Variants in HS6ST2 observed in about 807,000 individuals in gnomAD.
The protein encoded by HS6ST2 is heparan-sulfate 6-O-sulfotransferase 2.
In HS6ST2, 17 loss-of-function variants were observed where a neutral mutation model predicts 33.0. The observed-to-expected ratio is 0.52, with a 90% confidence interval of 0.35 to 0.77. HS6ST2 has a LOEUF of 0.77. Among genes scored for constraint, HS6ST2 ranks in the 30% least tolerant of loss-of-function variants. HS6ST2 has a pLI of 0.01. For synonymous variants in HS6ST2, 248 were observed against 237.1 expected (o/e 1.05, Z -0.42); for missense variants, 519 against 551.7 (o/e 0.94, Z 0.59).
At chrX:132,785,243 A>ACTG (rs374969178) in intron 2 of HS6ST2, among the ~76,000 whole-genome samples, 153 of 112,207 alleles carry the variant, frequency 1.4e-3, no homozygotes, top group African/African-American at 4.8e-3. Flanking sequence ...GTCAAGTCTT[A>ACTG]CTGGTAGCTT....
chrX:132,812,812 C>T (rs2065361681), intron 2 of HS6ST2, among the ~76,000 whole-genome samples: 1 of 110,401 alleles, frequency 9.1e-6, no homozygotes, highest in Non-Finnish European at 1.9e-5. Flanking sequence ...CGCTTCAAAA[C>T]CCCATCTCAG....
intron 2 of HS6ST2, among the ~76,000 whole-genome samples, chrX:132,946,613 G>C (rs1209151066): frequency 9.0e-6 from 1 of 111,193 alleles, no homozygotes; most frequent in African/African-American, 3.3e-5. Context: ...ACTGGGGCCT[G>C]TCATGGGGTG....
chrX:132,918,599 A>G (rs2066619137), intron 2 of HS6ST2, among the ~76,000 whole-genome samples: 1 of 111,729 alleles, frequency 9.0e-6, no homozygotes, highest in Non-Finnish European at 1.9e-5. Flanking sequence ...GTACAATTCA[A>G]CTGGAGCCCA....
chrX:132,793,428 T>C (rs989329551), intron 2 of HS6ST2, among the ~76,000 whole-genome samples: 1 of 111,193 alleles, frequency 9.0e-6, no homozygotes, highest in Admixed American at 9.6e-5. Context: ...ATGGAATATG[T>C]CCCTGATTTC....
At chrX:132,666,932 AT>A (rs1347033331) in intron 4 of HS6ST2, among the ~76,000 whole-genome samples, 1 of 111,214 alleles carries the variant, frequency 9.0e-6, no homozygotes, top group Non-Finnish European at 1.9e-5. Context: ...ACATCTACCT[AT>A]CCCCTCCTCA....
chrX:132,832,597 T>G (rs1434134377), intron 2 of HS6ST2, among the ~76,000 whole-genome samples: 1 of 112,256 alleles, frequency 8.9e-6, no homozygotes, highest in African/African-American at 3.2e-5. Context: ...CATTTTTGTT[T>G]ATTTGCCTTT....
chrX:132,892,562 T>C (rs1381587514), intron 2 of HS6ST2, among the ~76,000 whole-genome samples: 1 of 112,629 alleles, frequency 8.9e-6, no homozygotes, highest in Non-Finnish European at 1.9e-5. Context: ...CTCACGCCTG[T>C]AATCCCAGCA....
intron 2 of HS6ST2, among the ~76,000 whole-genome samples, chrX:132,821,848 G>A (rs2065462937): frequency 9.1e-6 from 1 of 110,484 alleles, no homozygotes; most frequent in Admixed American, 9.6e-5. Flanking sequence ...AAAATTAGCT[G>A]AGAGTGGTGG....
At chrX:132,892,413 A>G (rs2066325230) in intron 2 of HS6ST2, among the ~76,000 whole-genome samples, 1 of 111,988 alleles carries the variant, frequency 8.9e-6, no homozygotes, top group Non-Finnish European at 1.9e-5. Flanking sequence ...TGCATTTCCC[A>G]AGATTCCCAG....
At chrX:132,857,201 C>T (rs925315686) in intron 2 of HS6ST2, among the ~76,000 whole-genome samples, 1 of 112,157 alleles carries the variant, frequency 8.9e-6, no homozygotes, top group Non-Finnish European at 1.9e-5. Context: ...AAAGGGCATC[C>T]TCGGCCGGGC....
At chrX:132,820,199 C>T (rs1287389723) in intron 2 of HS6ST2, among the ~76,000 whole-genome samples, 2 of 79,954 alleles carry the variant, frequency 2.5e-5, no homozygotes, top group South Asian at 4.6e-4. Context: ...CCCCTTAATG[C>T]CAGACAGTTT....
intron 2 of HS6ST2, among the ~76,000 whole-genome samples, chrX:132,745,193 C>T (rs1476870924): frequency 2.7e-5 from 3 of 111,471 alleles, no homozygotes; most frequent in Non-Finnish European, 5.6e-5. Context: ...TCAAGCAATC[C>T]TCCTGCCTCA....
At chrX:132,853,954 G>C (rs764014096) in intron 2 of HS6ST2, among the ~76,000 whole-genome samples, 52 of 110,693 alleles carry the variant, frequency 4.7e-4, no homozygotes, top group Admixed American at 1.8e-3. Flanking sequence ...GCCTGTGGAG[G>C]TGAAGGCTGC....
intron 2 of HS6ST2, among the ~76,000 whole-genome samples, chrX:132,840,298 GAGACTC>G (rs989533483): frequency 9.1e-6 from 1 of 110,414 alleles, no homozygotes; most frequent in African/African-American, 3.3e-5. Context: ...AGGTAGAGGG[GAGACTC>G]AGAATCATGA....
At chrX:132,935,546 G>A (rs751277770) in intron 2 of HS6ST2, among the ~76,000 whole-genome samples, 160 of 111,720 alleles carry the variant, frequency 1.4e-3, no homozygotes, top group Middle Eastern at 4.6e-3. Context: ...TGTATTTTTG[G>A]TAGAAATAGA....
intron 2 of HS6ST2, among the ~76,000 whole-genome samples, chrX:132,827,995 G>C (rs927967167): frequency 9.0e-6 from 1 of 111,722 alleles, no homozygotes; most frequent in Non-Finnish European, 1.9e-5. Context: ...GTCTGAACCT[G>C]TATTTCGAAC....
chrX:132,874,629 C>T (rs2066093126), intron 2 of HS6ST2, among the ~76,000 whole-genome samples: 1 of 111,646 alleles, frequency 9.0e-6, no homozygotes, highest in African/African-American at 3.3e-5. Context: ...ACAAGAGAAG[C>T]CAAAGAGGTC....
chrX:132,794,555 G>GGATGATGATGATGAT (rs111313658), intron 2 of HS6ST2, among the ~76,000 whole-genome samples: 20 of 92,257 alleles, frequency 2.2e-4, no homozygotes, highest in South Asian at 1.1e-3. Context: ...CACCACTCCT[G>GGATGATGATGATGAT]GATGATGATG....
intron 2 of HS6ST2, among the ~76,000 whole-genome samples, chrX:132,733,521 C>T (rs1280877924): frequency 9.0e-6 from 1 of 110,605 alleles, no homozygotes. Context: ...TACTAATGAG[C>T]TCTCTGTTTT....
Sources: allele counts gnomAD v4.1 joint callset (sites outside exome capture counted in the v4.1 genomes callset), GRCh38; gene constraint gnomAD v4.1.1; transcripts MANE v1.5; gene names NCBI Gene and HGNC (gene_info 2026-07-23, HGNC 2026-07-21).